Variants in ABCC4 observed in about 807,000 individuals in gnomAD.
The protein encoded by ABCC4 is ATP binding cassette subfamily C member 4 (PEL blood group).
Under a neutral mutation model 168.5 loss-of-function variants are expected in ABCC4, and 102 were observed. The observed-to-expected ratio is 0.61, with a 90% CI of 0.52 to 0.71. The LOEUF is 0.71. ABCC4 is among the 30% of genes least tolerant of loss of function. ABCC4 has a pLI of 0.00. For missense variants in ABCC4, 1,402 were observed against 1,605.8 expected, an observed-to-expected ratio of 0.87 and a Z score of 2.17; for synonymous variants, 617 against 590.7, an observed-to-expected ratio of 1.04 and a Z score of -0.65.
intron 6 of ABCC4, 100 bp downstream of exon 6, chr13:95,209,334 A>G (rs2038882754): frequency 7.4e-7 from 1 of 1,354,504 alleles, no homozygotes; most frequent in Non-Finnish European, 1.0e-6. Context: ...CAAGGAAGAG[A>G]TAATAAAAGG....
intron 3 of ABCC4, among the ~76,000 whole-genome samples, chr13:95,243,129 C>T (rs2039991080): frequency 1.3e-5 from 2 of 150,874 alleles, no homozygotes; most frequent in African/African-American, 2.5e-5. Context: ...GCCCAGGCTC[C>T]ACTTTATATG....
intron 9 of ABCC4, among the ~76,000 whole-genome samples, chr13:95,188,820 T>C (rs1030525802): frequency 6.6e-6 from 1 of 152,180 alleles, no homozygotes; most frequent in Non-Finnish European, 1.5e-5. Flanking sequence ...AAAATTTAGA[T>C]AGTAAAAATG....
intron 4 of ABCC4, among the ~76,000 whole-genome samples, chr13:95,225,151 T>TCA (rs749060333): frequency 2.9e-3 from 89 of 30,612 alleles, no homozygotes; most frequent in African/African-American, 8.2e-3. Context: ...TCTCTCTCTC[T>TCA]CTCACACACA....
rs757749876 is a variant in ABCC4 at position 95,074,184 on chromosome 13, C to A, written c.2917+30G>T. ...AACACAGCTATAAATTGTAATCATA[C>A]CATACATAGTTATTCACATCTGTAC... is the stretch of plus-strand genomic sequence containing the variant. On this transcript the variant is annotated intron_variant, in intron 23 of 30. Transcript: ENST00000645237. 2.7e-6 allele frequency: 4 copies of A among 1,501,312 alleles called. No homozygotes were observed. In the African/African-American group the frequency reaches 4.2e-5, roughly 16 times the overall value. The allele number at this position is 1,501,312 out of a possible 1,614,324, so 93.0% of individuals were successfully genotyped here. A position where few individuals can be genotyped will look rare whatever the true frequency, so the allele number is the denominator to read the frequency against.
intron 10 of ABCC4, among the ~76,000 whole-genome samples, chr13:95,187,367 G>A (rs1288363393): frequency 2.0e-5 from 3 of 152,232 alleles, no homozygotes; most frequent in Non-Finnish European, 4.4e-5. Context: ...CACTTTGGGA[G>A]GCCGAGGCGG....
chr13:95,220,297 T>C (rs2039279092), intron 4 of ABCC4, among the ~76,000 whole-genome samples: 2 of 152,226 alleles, frequency 1.3e-5, no homozygotes, highest in South Asian at 4.1e-4. Context: ...ATCTTCACTC[T>C]ACAGACTCAC....
chr13:95,102,424 C>G (rs1000621957), intron 20 of ABCC4, among the ~76,000 whole-genome samples: 1 of 151,824 alleles, frequency 6.6e-6, no homozygotes, highest in Admixed American at 6.6e-5. Flanking sequence ...AGGACTACAA[C>G]CATAAGACAC....
chr13:95,220,254 C>T (rs1485589587), intron 4 of ABCC4, among the ~76,000 whole-genome samples: 1 of 152,146 alleles, frequency 6.6e-6, no homozygotes, highest in Non-Finnish European at 1.5e-5. Flanking sequence ...TTTCATGTGC[C>T]GTCTTTAAGA....
In ABCC4 at chr13:95,020,995, CA is replaced by C. The variant is rs1448115805; in HGVS notation, c.*579del. On this transcript the variant is annotated 3_prime_UTR_variant, in exon 31 of 31. Transcript: ENST00000645237. ...CCCTTCTATCCTTTAACCATGTATC[CA>C]TTTTTTTTTTTGATGGGGAGTAAGG... 2 of 107,718 alleles carry C rather than the reference CA, an allele frequency of 1.9e-5. No homozygotes were observed. Among genetic ancestry groups the C allele is most frequent in the Non-Finnish European group, 4.6e-5 (2 of 43,116 alleles). The allele number at this position is 107,718 out of a possible 1,614,324, so 6.7% of individuals were successfully genotyped here. A position where few individuals can be genotyped will look rare whatever the true frequency, so the allele number is the denominator to read the frequency against.
At chr13:95,058,594 AAAAGAAAAAG>A (rs2033164543) in intron 26 of ABCC4, among the ~76,000 whole-genome samples, 1 of 41,422 alleles carries the variant, frequency 2.4e-5, no homozygotes, top group Non-Finnish European at 4.3e-5. Flanking sequence ...AAAAAAAAAG[AAAAGAAAAAG>A]AAAAAGAAAA....
At chr13:95,176,150 T>TA (rs142931660) in intron 13 of ABCC4, among the ~76,000 whole-genome samples, 40,504 of 137,328 alleles carry the variant, frequency 0.29, 5,988 homozygotes, top group African/African-American at 0.37. Context: ...TTCTTCCATT[T>TA]AAAAAAAAAG....
chr13:95,186,766 A>G lies in ABCC4; in HGVS notation c.1480T>C (p.Leu494=), dbSNP rs768032100. 3.1e-6 allele frequency: 5 copies of G among 1,614,140 alleles called. No individual in the cohort carries two copies. Among genetic ancestry groups the G allele is most frequent in the Non-Finnish European group, 3.4e-6 (4 of 1,180,008 alleles). ...VFSGTLRSNI[L]FGKKYEKERY... is the part of the protein sequence containing the mutation. ...TCCTTTTCGTATTTCTTCCCAAATA[A>G]AATATTACTCCTCAGAGTTCCCGAG... Residue 494 remains leucine, a synonymous_variant, in exon 11 of 31, where the codon TTA becomes CTA. Transcript: ENST00000645237.
chr13:95,047,704 C>T (rs61967172), intron 27 of ABCC4, among the ~76,000 whole-genome samples: 24,173 of 151,798 alleles, frequency 0.16, 2,217 homozygotes, highest in African/African-American at 0.25. Context: ...AGGATGGTCT[C>T]GATCTCCTGA....
rs9590189 is a variant in ABCC4 at position 95,140,114 on chromosome 13, T to G, written c.2455+21075A>C. ...TTCAGTTCTGCTTCTTCCAAAAGTC[T>G]CCTCACTCATGATGTCAACCACTGA... On this transcript the variant is annotated intron_variant, in intron 19 of 30. Coordinates refer to ENST00000645237, the MANE Select transcript of ABCC4 (RefSeq NM_005845.5). Among the ~76,000 whole-genome samples the G allele has an allele frequency of 8.1e-3, 1,229 of 152,262 alleles. 11 individuals are homozygous for G. The highest frequency in any genetic ancestry group is 0.028 in the African/African-American group (1,151 of 41,544).
At chr13:95,228,775 A>C (rs1211579357) in intron 4 of ABCC4, among the ~76,000 whole-genome samples, 1 of 150,526 alleles carries the variant, frequency 6.6e-6, no homozygotes, top group Admixed American at 6.6e-5. Context: ...AAAAAAAAAA[A>C]AAAGCCAGGA....
chr13:95,085,550 A>G (rs1453922486), intron 20 of ABCC4, among the ~76,000 whole-genome samples: 3 of 152,248 alleles, frequency 2.0e-5, no homozygotes, highest in African/African-American at 7.2e-5. Flanking sequence ...CAGGTTTAAC[A>G]GACAACCAGA....
intron 1 of ABCC4, among the ~76,000 whole-genome samples, chr13:95,257,125 G>C (rs1486388633): frequency 6.6e-6 from 1 of 152,208 alleles, no homozygotes; most frequent in Non-Finnish European, 1.5e-5. Flanking sequence ...AGCCTTACCA[G>C]TAACATAAAG....
At chr13:95,291,476 C>T (rs1210934273) in intron 1 of ABCC4, among the ~76,000 whole-genome samples, 1 of 152,140 alleles carries the variant, frequency 6.6e-6, no homozygotes, top group Non-Finnish European at 1.5e-5. Context: ...GTTAATCTAG[C>T]AACCACAGTG....
chr13:95,034,851 G>A, intron 29 of ABCC4, 112 bp from the exon 30 acceptor site: 1 of 1,474,824 alleles, frequency 6.8e-7, no homozygotes, highest in South Asian at 1.2e-5. Context: ...TGTTTGGGTG[G>A]TAGGCCTGGA....
Sources: gnomAD v4.1 joint callset for allele counts (sites outside exome capture counted in the v4.1 genomes callset) on GRCh38, gnomAD v4.1.1 for gene constraint, MANE v1.5 for transcripts, NCBI Gene and HGNC (gene_info 2026-07-23, HGNC 2026-07-21) for gene names.